Variants in FCGRT observed in about 807,000 individuals in gnomAD.
FCGRT encodes Fc gamma receptor and transporter.
FCGRT carries 13 observed loss-of-function variants against 35.7 expected under a neutral mutation model. The observed-to-expected ratio is 0.36, with a 90% CI of 0.24 to 0.58. The LOEUF (loss-of-function observed/expected upper bound fraction) is 0.58. Ranked by LOEUF, FCGRT falls within the 20% of genes least tolerant of loss-of-function variation. FCGRT has a pLI of 0.77. For missense variants in FCGRT, 455 were observed against 474.9 expected (o/e 0.96, Z 0.39); for synonymous variants, 233 against 216.5 (o/e 1.08, Z -0.67).
intron 1 of FCGRT, 102 bp from the exon 2 acceptor site, chr19:49,513,285 G>A (rs958027185): frequency 2.2e-6 from 1 of 453,054 alleles, no homozygotes; most frequent in Non-Finnish European, 3.7e-6. Flanking sequence ...CGAGCCCGCA[G>A]AGCCCCTCCT....
chr19:49,513,484 C>T lies in FCGRT; in HGVS notation c.73+11C>T. ...GGAGCCTGGGCGCAGGTGAGGGCCG[C>T]TCCGGGCCAGGGCCCTGCTGCAGGC... is the stretch of plus-strand genomic sequence containing the variant. On this transcript the variant is annotated intron_variant, in intron 2 of 6. Transcript: ENST00000221466. 1.6e-6 allele frequency: 2 copies of T among 1,242,540 alleles called. No homozygotes were observed. The highest frequency in any genetic ancestry group is 1.0e-6 in the Non-Finnish European group (1 of 988,306). 77.0% of individuals were successfully genotyped at this position (1,242,540 alleles called of 1,614,324 possible). A position where few individuals can be genotyped will look rare whatever the true frequency, so the allele number is the denominator to read the frequency against.
rs1485223386 is a variant in FCGRT at position 49,526,013 on chromosome 19, C to T, written c.992C>T (p.Pro331Leu). 6.2e-7 allele frequency: 1 copy of T among 1,605,236 alleles called. No homozygotes were observed. The highest frequency in any genetic ancestry group is 1.7e-5 in the Admixed American group (1 of 60,002). ...WRRMRSGLPA[P>L]WISLRGDDTG... ...CTCCCTCTCTCTCTCTCCTCAGCCC[C>T]TTGGATCTCCCTTCGTGGAGACGAC... is the stretch of plus-strand genomic sequence containing the variant. Residue 331 changes from proline to leucine, a missense_variant, in exon 7 of 7, where the codon CCT becomes CTT. By Grantham distance (98) the Pro-to-Leu change is moderately conservative. Transcript: ENST00000221466.
At position 49,526,005 on chromosome 19, in the gene FCGRT, C is replaced by G. The variant is rs750292562; in HGVS notation, c.989-5C>G. 1.9e-6 allele frequency: 3 copies of G among 1,588,192 alleles called. No individual in the cohort carries two copies. The highest frequency in any genetic ancestry group is 2.6e-6 in the Non-Finnish European group (3 of 1,156,956). On this transcript the variant is annotated splice_region_variant and splice_polypyrimidine_tract_variant and intron_variant, in intron 6 of 6. Transcript: ENST00000221466. ...GATGACCTCTCCCTCTCTCTCTCTC[C>G]TCAGCCCCTTGGATCTCCCTTCGTG...
chr19:49,524,115 T>C (rs1460214897), intron 4 of FCGRT, among the ~76,000 whole-genome samples: 1 of 151,022 alleles, frequency 6.6e-6, no homozygotes, highest in Non-Finnish European at 1.5e-5. Context: ...GCCTCCCAGG[T>C]TCAAGCAATT....
intron 4 of FCGRT, chr19:49,516,024 T>G (rs2080005379): frequency 2.8e-6 from 1 of 354,704 alleles, no homozygotes; most frequent in Non-Finnish European, 5.5e-6. Flanking sequence ...CTCATTCAAC[T>G]GTTGGCCAAG....
At chr19:49,513,598 A>T (rs1042021659) in intron 2 of FCGRT, 125 bp downstream of exon 2, 2 of 525,996 alleles carry the variant, frequency 3.8e-6, no homozygotes, top group Non-Finnish European at 5.9e-6. Flanking sequence ...TTCTCCGCTC[A>T]ATTAACTTTC....
intron 4 of FCGRT, among the ~76,000 whole-genome samples, chr19:49,519,705 T>G (rs1277283846): frequency 3.3e-5 from 5 of 152,168 alleles, no homozygotes; most frequent in African/African-American, 1.2e-4. Flanking sequence ...GTGCATAGGC[T>G]GCAAACATCT....
chr19:49,525,634 C>A, intron 6 of FCGRT, 61 bp downstream of exon 6: 1 of 1,198,678 alleles, frequency 8.3e-7, no homozygotes, highest in Non-Finnish European at 1.2e-6. Context: ...GAGAGGGGCA[C>A]ACAGACCTGG....
chr19:49,525,571 C>G lies in FCGRT; in HGVS notation c.986C>G (p.Pro329Arg), dbSNP rs142797093. ...TGGAGAAGGATGAGGAGTGGGCTGC[C>G]AGGTGGGGGGCAGCGGGAGGAAGAG... Reference protein sequence around the residue: ...LLWRRMRSGLPAPWISLRGDD... With the variant: ...LLWRRMRSGLRAPWISLRGDD... The change falls in exon 6 of 7, where the codon CCA (proline) becomes CGA (arginine). Residue 329 changes from proline (P) to arginine (R), a missense_variant and splice_region_variant. Physicochemically the swap from Pro to Arg is moderately radical, Grantham distance 103. Coordinates refer to ENST00000221466, the MANE Select transcript of FCGRT (RefSeq NM_001136019.3). 2.8e-5 allele frequency: 45 copies of G among 1,606,114 alleles called. No homozygotes were observed. In the Admixed American group the frequency reaches 4.3e-4, roughly 15 times the overall value.
At chr19:49,515,715 C>CT (rs1160090794) in intron 4 of FCGRT, among the ~76,000 whole-genome samples, 1 of 152,184 alleles carries the variant, frequency 6.6e-6, no homozygotes, top group Non-Finnish European at 1.5e-5. Flanking sequence ...GTGTGAGCCA[C>CT]TGTGCTTGGC....
chr19:49,515,592 ATTTT>A (rs1378219419), intron 4 of FCGRT, among the ~76,000 whole-genome samples: 1 of 152,038 alleles, frequency 6.6e-6, no homozygotes, highest in Non-Finnish European at 1.5e-5. Context: ...TACCTGGCTA[ATTTT>A]TAAAATTTGT....
intron 4 of FCGRT, among the ~76,000 whole-genome samples, chr19:49,519,963 T>C (rs2080031057): frequency 6.7e-6 from 1 of 150,200 alleles, no homozygotes; most frequent in South Asian, 2.1e-4. Flanking sequence ...CCTGAGTAGC[T>C]GGGATTACAG....
intron 4 of FCGRT, among the ~76,000 whole-genome samples, chr19:49,518,903 C>T (rs750629415): frequency 6.6e-6 from 1 of 150,794 alleles, no homozygotes; most frequent in Non-Finnish European, 1.5e-5. Context: ...GGTGCAGTGG[C>T]GCGATCTCAG....
At chr19:49,514,893 T>C (rs552318196) in intron 4 of FCGRT, among the ~76,000 whole-genome samples, 5 of 152,018 alleles carry the variant, frequency 3.3e-5, no homozygotes, top group Admixed American at 2.6e-4. Context: ...GGTTTCTTCA[T>C]GTTGGTCAGG....
intron 4 of FCGRT, among the ~76,000 whole-genome samples, chr19:49,518,970 G>A (rs1404447903): frequency 6.6e-6 from 1 of 151,712 alleles, no homozygotes; most frequent in Non-Finnish European, 1.5e-5. Context: ...AGCCTCCCGA[G>A]TGGCTGGGAC....
At chr19:49,516,955 C>T (rs965659057) in intron 4 of FCGRT, among the ~76,000 whole-genome samples, 38 of 152,108 alleles carry the variant, frequency 2.5e-4, no homozygotes, top group East Asian at 2.3e-3. Flanking sequence ...TTTGGGAGGC[C>T]GAGGCAGGTG....
intron 1 of FCGRT, 32 bp from the exon 2 acceptor site, chr19:49,513,354 TC>T: frequency 2.0e-4 from 76 of 380,594 alleles, no homozygotes; most frequent in East Asian, 3.7e-4. Flanking sequence ...GGGCCGGGGG[TC>T]GGGAGGAGTC....
chr19:49,525,689 G>A (rs1383967633), intron 6 of FCGRT, 116 bp downstream of exon 6: 2 of 747,888 alleles, frequency 2.7e-6, no homozygotes, highest in Non-Finnish European at 4.6e-6. Flanking sequence ...AGAGAGAGGT[G>A]GAGACAGAAA....
At position 49,524,586 on chromosome 19, in the gene FCGRT, C is replaced by A. The variant is rs765804676; in HGVS notation, c.681C>A (p.Tyr227Ter). ...TTACCTGCAGCGCCTTCTCCTTCTA[C>A]CCTCCGGAGCTGCAACTTCGGTTCC... ...SVLTCSAFSFYPPELQLRFLR... is the reference protein window; with the variant it reads ...SVLTCSAFSF The change falls in exon 5 of 7, where the codon TAC becomes TAA. Residue 227 changes from tyrosine (Y) to a stop codon, truncating the protein, a stop_gained. Transcript: ENST00000221466. LOFTEE classifies it high-confidence loss of function. 6.2e-7 allele frequency: 1 copy of A among 1,612,604 alleles called. No homozygotes were observed. Among genetic ancestry groups the A allele is most frequent in the Non-Finnish European group, 8.5e-7 (1 of 1,180,022 alleles).
Sources: allele counts gnomAD v4.1 joint callset (sites outside exome capture counted in the v4.1 genomes callset), GRCh38; gene constraint gnomAD v4.1.1; transcripts MANE v1.5; gene names NCBI Gene and HGNC (gene_info 2026-07-23, HGNC 2026-07-21).